BTD: variants seen among roughly 807,000 people sequenced by gnomAD.
The protein encoded by BTD is biocytinase.
Under a neutral mutation model 17.7 loss-of-function variants are expected in BTD, and 13 were observed. That is an observed-to-expected ratio of 0.74 (90% CI 0.48 to 1.17). The LOEUF is 1.17. Ranked by LOEUF, BTD falls within the 50% of genes most tolerant of loss-of-function variation. BTD has a pLI of 0.00. For missense variants in BTD, 674 were observed against 650.4 expected (o/e 1.04, Z -0.39); for synonymous variants, 240 against 245.2 (o/e 0.98, Z 0.20).
downstream of BTD, among the ~76,000 whole-genome samples, chr3:15,655,272 A>T (rs2065860531): frequency 6.6e-6 from 1 of 152,208 alleles, no homozygotes; most frequent in African/African-American, 2.4e-5. Flanking sequence ...AGTTTGACGT[A>T]TGTAAGGAAA....
intron 3 of BTD, among the ~76,000 whole-genome samples, chr3:15,670,837 A>C (rs1170894913): frequency 6.6e-6 from 1 of 152,252 alleles, no homozygotes; most frequent in Non-Finnish European, 1.5e-5. Flanking sequence ...TATCCATCTG[A>C]ATTCACAGAA....
At chr3:15,721,277 GT>G (rs1414271768) in intron 4 of BTD, 1 of 684,040 alleles carries the variant, frequency 1.5e-6, no homozygotes, top group Admixed American at 2.8e-5. Context: ...TAATTCTAAA[GT>G]TGGTTTAAAA....
chr3:15,620,423 G>T (rs1395936027), intron 1 of BTD, among the ~76,000 whole-genome samples: 3 of 152,158 alleles, frequency 2.0e-5, no homozygotes, highest in Non-Finnish European at 4.4e-5. Context: ...CCATTTATAG[G>T]CTCTCTGCAA....
intron 1 of BTD, among the ~76,000 whole-genome samples, chr3:15,612,263 A>G (rs1196176537): frequency 2.0e-5 from 3 of 152,006 alleles, no homozygotes; most frequent in African/African-American, 7.2e-5. Flanking sequence ...GCCGAAGATT[A>G]CCCTCTATGC....
intron 3 of BTD, among the ~76,000 whole-genome samples, chr3:15,707,438 G>A (rs773688288): frequency 5.9e-5 from 9 of 152,220 alleles, no homozygotes; most frequent in Non-Finnish European, 8.8e-5. Flanking sequence ...TACCTACTAC[G>A]TACCAGATTC....
At chr3:15,644,110 C>T (rs928268871) in intron 3 of BTD, among the ~76,000 whole-genome samples, 10 of 152,026 alleles carry the variant, frequency 6.6e-5, no homozygotes, top group African/African-American at 1.2e-4. Flanking sequence ...ACGCCATTCT[C>T]CTGCCTCAGC....
intron 3 of BTD, among the ~76,000 whole-genome samples, chr3:15,674,604 A>G (rs1224525676): frequency 6.6e-6 from 1 of 152,190 alleles, no homozygotes; most frequent in Non-Finnish European, 1.5e-5. Context: ...TAAATCTGGG[A>G]ATCCTCAGCA....
chr3:15,717,107 C>A (rs1217308546), downstream of BTD, among the ~76,000 whole-genome samples: 2 of 152,114 alleles, frequency 1.3e-5, no homozygotes, highest in African/African-American at 4.8e-5. Context: ...TTTACTAGGT[C>A]TCATAGCTAA....
At chr3:15,707,298 A>T (rs1418973457) in intron 3 of BTD, among the ~76,000 whole-genome samples, 1 of 152,208 alleles carries the variant, frequency 6.6e-6, no homozygotes. Context: ...GATAGGTCTG[A>T]TAACTTTAGG....
downstream of BTD, among the ~76,000 whole-genome samples, chr3:15,716,458 A>G (rs2073060983): frequency 6.6e-6 from 1 of 151,422 alleles, no homozygotes; most frequent in African/African-American, 2.4e-5. Context: ...CACCTGGCTA[A>G]TTTATTTTTT....
At chr3:15,670,285 A>T in intron 3 of BTD, 1 of 1,613,430 alleles carries the variant, frequency 6.2e-7, no homozygotes, top group Non-Finnish European at 8.5e-7. Flanking sequence ...AGGTCTCAGA[A>T]TCGGAGTCGT....
intron 1 of BTD, among the ~76,000 whole-genome samples, chr3:15,626,944 A>T (rs1026353082): frequency 6.6e-6 from 1 of 152,192 alleles, no homozygotes; most frequent in African/African-American, 2.4e-5. Flanking sequence ...AGAGGAAAAA[A>T]GGCATGCAAA....
rs766421080 is a variant in BTD, at chr3:15,721,163, G to A, written c.1016-607G>A. ...GGAAAAAAATGCGAATGTTAAAGTA[G>A]TTTTGCTAATTATCAATGTTGTGAG... On this transcript the variant is annotated intron_variant, in intron 4 of 4. Transcript: ENST00000672427. The A allele has an allele frequency of 2.6e-6, 4 of 1,566,194 alleles. No individual in the cohort carries two copies. In the Admixed American group the frequency reaches 7.2e-5, roughly 28 times the overall value.
rs920768782 is a variant in BTD, at chr3:15,683,433, T to A, written c.400-26627T>A. Reference sequence around the variant, plus strand: ...GTCTCTGGCCACTTCACTACACTCATTTCTACTTGCCTTAGCGAGTAGAAA... The same window carrying A: ...GTCTCTGGCCACTTCACTACACTCAATTCTACTTGCCTTAGCGAGTAGAAA... On this transcript the variant is annotated intron_variant, in intron 3 of 3. Coordinates refer to the BTD transcript ENST00000672141. Among the ~76,000 whole-genome samples the A allele has an allele frequency of 2.6e-5, 4 of 152,310 alleles. No homozygotes were observed. The East Asian group carries it at 7.7e-4, about 29-fold the overall frequency.
chr3:15,673,095 G>C (rs1461736132), intron 3 of BTD, among the ~76,000 whole-genome samples: 2 of 152,238 alleles, frequency 1.3e-5, no homozygotes, highest in South Asian at 4.1e-4. Flanking sequence ...CTCTTAACAT[G>C]CCACTCTCTT....
At chr3:15,686,520 A>G in intron 3 of BTD, 1 of 568,038 alleles carries the variant, frequency 1.8e-6, no homozygotes. Flanking sequence ...AAAACATGAC[A>G]GGCAGACCGC....
chr3:15,699,928 A>G (rs2070304378), intron 3 of BTD, among the ~76,000 whole-genome samples: 1 of 152,226 alleles, frequency 6.6e-6, no homozygotes, highest in African/African-American at 2.4e-5. Context: ...ATAAAGACAC[A>G]TGCACACGTA....
rs144084212 is a variant in BTD at position 15,644,763 on chromosome 3, C to T, written c.847C>T (p.His283Tyr). The T allele has an allele frequency of 5.1e-4, 829 of 1,614,164 alleles. 15 individuals are homozygous for T. In the East Asian group the frequency reaches 0.018, roughly 35 times the overall value. Residue 283 changes from histidine (H) to tyrosine (Y), a missense_variant, in exon 4 of 4, where the codon CAC becomes TAC. By Grantham distance (83) the His-to-Tyr change is moderately conservative. Coordinates refer to ENST00000643237, the MANE Select transcript of BTD (RefSeq NM_001370658.1). Reference sequence around the variant, plus strand: ...CAACGTTCTGGCAGCTAATGTCCACCACCCAGTTCTGGGGATGACAGGAAG... The same window carrying T: ...CAACGTTCTGGCAGCTAATGTCCACTACCCAGTTCTGGGGATGACAGGAAG... ...GINVLAANVH[H>Y]PVLGMTGSGI...
At chr3:15,620,258 AC>A (rs1356383585) in intron 1 of BTD, among the ~76,000 whole-genome samples, 1 of 152,156 alleles carries the variant, frequency 6.6e-6, no homozygotes, top group Non-Finnish European at 1.5e-5. Flanking sequence ...GGAGACTAGG[AC>A]TTATCTCAAT....
Sources: allele counts gnomAD v4.1 joint callset (sites outside exome capture counted in the v4.1 genomes callset), GRCh38; gene constraint gnomAD v4.1.1; transcripts MANE v1.5; gene names NCBI Gene and HGNC (gene_info 2026-07-23, HGNC 2026-07-21).